The following OR9Q1 variants were observed in gnomAD, a reference collection of about 807,000 sequenced individuals.
OR9Q1 encodes the protein olfactory receptor 9Q1.
For synonymous variants in OR9Q1, 153 were observed against 148.6 expected (o/e 1.03, Z -0.22); for missense variants, 374 against 378.8 (o/e 0.99, Z 0.11).
intron 2 of OR9Q1, among the ~76,000 whole-genome samples, chr11:58,080,398 G>A (rs1853576740): frequency 6.6e-6 from 1 of 152,024 alleles, no homozygotes; most frequent in South Asian, 2.1e-4. Flanking sequence ...ACTGTTGATG[G>A]GCACCCACAT....
intron 2 of OR9Q1, chr11:58,119,519 TC>T (rs775117928): frequency 1.7e-5 from 17 of 1,025,366 alleles, no homozygotes; most frequent in Non-Finnish European, 2.3e-5. Context: ...ACAGAATCTT[TC>T]CCTCTATGGT....
intron 2 of OR9Q1, among the ~76,000 whole-genome samples, chr11:58,076,942 C>A (rs1348092754): frequency 6.6e-6 from 1 of 152,094 alleles, no homozygotes; most frequent in Non-Finnish European, 1.5e-5. Flanking sequence ...TGAAATCTTC[C>A]CCTTTTAACA....
intron 2 of OR9Q1, among the ~76,000 whole-genome samples, chr11:58,058,618 G>A (rs1419309769): frequency 6.6e-6 from 1 of 152,210 alleles, no homozygotes; most frequent in Non-Finnish European, 1.5e-5. Context: ...CCCCCGCCAG[G>A]AGTCTGAAGT....
chr11:58,147,774 A>G (rs915714302), intron 2 of OR9Q1, among the ~76,000 whole-genome samples: 7 of 152,328 alleles, frequency 4.6e-5, no homozygotes, highest in East Asian at 1.9e-4. Context: ...ATAAATGAAT[A>G]AAAACATTCA....
chr11:58,059,136 G>A (rs1227184989), intron 2 of OR9Q1, among the ~76,000 whole-genome samples: 4 of 152,258 alleles, frequency 2.6e-5, no homozygotes, highest in East Asian at 1.9e-4. Flanking sequence ...TGTGGGCTCA[G>A]GCCTAAGAAA....
intron 1 of OR9Q1, chr11:58,031,150 A>T (rs916200147): frequency 6.2e-7 from 1 of 1,614,012 alleles, no homozygotes; most frequent in African/African-American, 1.3e-5. Context: ...TCTTCCTGAC[A>T]CACTTGTCCT....
chr11:58,136,282 A>T (rs573812040), intron 2 of OR9Q1, among the ~76,000 whole-genome samples: 2 of 152,286 alleles, frequency 1.3e-5, no homozygotes, highest in African/African-American at 4.8e-5. Flanking sequence ...TTAAATGCTA[A>T]TATTGCTCAA....
intron 2 of OR9Q1, among the ~76,000 whole-genome samples, chr11:58,147,098 T>C (rs1416463391): frequency 6.6e-6 from 1 of 152,166 alleles, no homozygotes; most frequent in East Asian, 1.9e-4. Flanking sequence ...GTGCATGGCA[T>C]TTGATTTCCA....
chr11:58,066,249 C>T (rs776645951), intron 2 of OR9Q1, among the ~76,000 whole-genome samples: 4 of 152,182 alleles, frequency 2.6e-5, no homozygotes, highest in Non-Finnish European at 4.4e-5. Context: ...CCCGGATGAA[C>T]ATATCTCCTT....
At position 58,081,568 on chromosome 11, in the gene OR9Q1, G is replaced by A. The variant is rs183546729; in HGVS notation, c.-15+25621G>A. Among the ~76,000 whole-genome samples the A allele has an allele frequency of 1.6e-4, 25 of 152,306 alleles. No homozygotes were observed. In the East Asian group the frequency reaches 4.6e-3, roughly 28 times the overall value. On this transcript the variant is annotated intron_variant, in intron 2 of 2. Transcript: ENST00000335397. ...TTGATTTGCATTTCTCTAATGACCA[G>A]TGATGATGAGCTTGTTTTCATATGT...
chr11:58,042,657 AAGT>A (rs1853177265), intron 1 of OR9Q1, among the ~76,000 whole-genome samples: 1 of 151,642 alleles, frequency 6.6e-6, no homozygotes, highest in African/African-American at 2.4e-5. Flanking sequence ...ATGAACTTTC[AAGT>A]AGTTTTTTCC....
chr11:58,165,321 A>G lies in OR9Q1; in HGVS notation c.-14-14110A>G, dbSNP rs17152444. ...GAAAGATAAATTGTGTTTCTTCCAG[A>G]AGTTCTATTTAAAACTGTCCCTGAT... is the stretch of plus-strand genomic sequence containing the variant. On this transcript the variant is annotated intron_variant, in intron 2 of 2. Coordinates refer to ENST00000335397, the MANE Select transcript of OR9Q1 (RefSeq NM_001005212.4). Among the ~76,000 whole-genome samples, 1,078 of 152,292 alleles carry G rather than the reference A, an allele frequency of 7.1e-3. 11 individuals carry two copies. Among genetic ancestry groups the G allele is most frequent in the African/African-American group, 0.019 (775 of 41,562 alleles).
chr11:58,034,320 C>T (rs1853074580), intron 1 of OR9Q1, among the ~76,000 whole-genome samples: 1 of 151,800 alleles, frequency 6.6e-6, no homozygotes, highest in African/African-American at 2.4e-5. Flanking sequence ...ATCTTCTGAC[C>T]TCGTGATCTG....
At chr11:58,037,203 AT>A (rs201980067) in intron 1 of OR9Q1, among the ~76,000 whole-genome samples, 10 of 151,974 alleles carry the variant, frequency 6.6e-5, no homozygotes, top group African/African-American at 1.5e-4. Context: ...TATTGTTAGC[AT>A]TTTTTTTAGC....
intron 2 of OR9Q1, chr11:58,144,893 C>T (rs780690533): frequency 1.3e-5 from 2 of 152,484 alleles, no homozygotes; most frequent in African/African-American, 2.4e-5. Flanking sequence ...GTCATGACAC[C>T]AAAGACCCGC....
At chr11:58,046,849 G>A (rs963210621) in intron 1 of OR9Q1, among the ~76,000 whole-genome samples, 1 of 151,852 alleles carries the variant, frequency 6.6e-6, no homozygotes. Flanking sequence ...GGCAACAAGA[G>A]GGAAACTCCA....
At chr11:58,027,849 G>A (rs1852990839) in intron 1 of OR9Q1, among the ~76,000 whole-genome samples, 1 of 152,188 alleles carries the variant, frequency 6.6e-6, no homozygotes, top group African/African-American at 2.4e-5. Flanking sequence ...TAGCTAATCT[G>A]GGCCTGATAC....
At chr11:58,052,891 A>G (rs1273332915) in intron 1 of OR9Q1, among the ~76,000 whole-genome samples, 6 of 152,144 alleles carry the variant, frequency 3.9e-5, no homozygotes, top group Admixed American at 6.5e-5. Context: ...AATCAAAACC[A>G]CAATGAGATA....
intron 1 of OR9Q1, chr11:58,026,739 A>G (rs545363080): frequency 6.6e-6 from 1 of 150,414 alleles, no homozygotes; most frequent in East Asian, 2.0e-4. Context: ...TTTGTGTGTC[A>G]TTCTTGTTCA....
Sources: allele counts gnomAD v4.1 joint callset (sites outside exome capture counted in the v4.1 genomes callset), GRCh38; gene constraint gnomAD v4.1.1; transcripts MANE v1.5; gene names NCBI Gene and HGNC (gene_info 2026-07-23, HGNC 2026-07-21).